Variants in SLC7A1 observed in about 807,000 individuals in gnomAD.
The protein encoded by SLC7A1 is solute carrier family 7 member 1.
A neutral mutation model predicts 53.9 loss-of-function variants in SLC7A1; 10 were observed. That is an observed-to-expected ratio of 0.19 (90% CI 0.11 to 0.31). SLC7A1 has a LOEUF of 0.31. SLC7A1 is among the 10% of genes least tolerant of loss of function. SLC7A1 has a pLI of 1.00. For synonymous variants in SLC7A1, 342 were observed against 338.7 expected, an observed-to-expected ratio of 1.01 and a Z score of -0.11; for missense variants, 525 against 827.2, an observed-to-expected ratio of 0.63 and a Z score of 4.48.
chr13:29,552,940 A>C (rs1870267279), intron 2 of SLC7A1, among the ~76,000 whole-genome samples: 1 of 151,956 alleles, frequency 6.6e-6, no homozygotes, highest in South Asian at 2.1e-4. Flanking sequence ...GCCAAACCCA[A>C]ATAGAAGAAT....
At chr13:29,529,927 G>A (rs1249862420) in intron 5 of SLC7A1, among the ~76,000 whole-genome samples, 6 of 152,184 alleles carry the variant, frequency 3.9e-5, no homozygotes. Flanking sequence ...ATGGCACAGG[G>A]TGGAGCTGTC....
Position 29,595,517 on chromosome 13 carries a change from G to T in SLC7A1, c.-216C>A. Reference sequence around the variant, plus strand: ...TCGGCCGGCGAGACCGGGCGGGGCGGGGCGGGGCGGGGGCGCGGCGCGCGG... The same window carrying T: ...TCGGCCGGCGAGACCGGGCGGGGCGTGGCGGGGCGGGGGCGCGGCGCGCGG... On this transcript the variant is annotated 5_prime_UTR_variant, in exon 1 of 13. Transcript: ENST00000380752. 1 of 151,080 alleles carries T rather than the reference G, an allele frequency of 6.6e-6. No homozygotes were observed. Among genetic ancestry groups the T allele is most frequent in the South Asian group, 1.9e-4 (1 of 5,178 alleles). 9.4% of individuals were successfully genotyped at this position (151,080 alleles called of 1,614,324 possible).
At chr13:29,533,640 G>A (rs925895054) in intron 3 of SLC7A1, among the ~76,000 whole-genome samples, 4 of 152,168 alleles carry the variant, frequency 2.6e-5, no homozygotes, top group Non-Finnish European at 5.9e-5. Flanking sequence ...CAGAGTGCAG[G>A]ACAGCAGACA....
intron 2 of SLC7A1, among the ~76,000 whole-genome samples, chr13:29,553,316 C>T (rs756535019): frequency 2.6e-5 from 4 of 152,186 alleles, no homozygotes; most frequent in Non-Finnish European, 4.4e-5. Flanking sequence ...GCATCACAGC[C>T]GCTGTGCTGC....
chr13:29,561,217 AAAGT>A (rs1870740318), intron 1 of SLC7A1, among the ~76,000 whole-genome samples: 2 of 152,204 alleles, frequency 1.3e-5, no homozygotes, highest in African/African-American at 2.4e-5. Flanking sequence ...CTCATCTCCT[AAAGT>A]AACTGCATGA....
intron 1 of SLC7A1, among the ~76,000 whole-genome samples, chr13:29,555,986 G>A (rs2139139971): frequency 6.6e-6 from 1 of 152,226 alleles, no homozygotes; most frequent in East Asian, 1.9e-4. Context: ...TTACCGAGAT[G>A]GCTTCAGATT....
intron 5 of SLC7A1, among the ~76,000 whole-genome samples, chr13:29,528,087 C>T (rs1413146738): frequency 1.3e-5 from 2 of 152,234 alleles, no homozygotes; most frequent in Non-Finnish European, 2.9e-5. Flanking sequence ...CTGACTGGAG[C>T]TGGAGAAGCC....
intron 1 of SLC7A1, among the ~76,000 whole-genome samples, chr13:29,565,432 G>C (rs1301413048): frequency 6.6e-6 from 1 of 152,180 alleles, no homozygotes; most frequent in Non-Finnish European, 1.5e-5. Flanking sequence ...GAGCACAAAG[G>C]GTTCAAGGAG....
chr13:29,545,856 A>G (rs1869897913), intron 2 of SLC7A1, among the ~76,000 whole-genome samples: 1 of 152,258 alleles, frequency 6.6e-6, no homozygotes, highest in Admixed American at 6.5e-5. Flanking sequence ...TATCAAGGAC[A>G]TCTTCACAAA....
At chr13:29,518,954 T>A (rs1868497322) in intron 9 of SLC7A1, among the ~76,000 whole-genome samples, 1 of 151,932 alleles carries the variant, frequency 6.6e-6, no homozygotes, top group Non-Finnish European at 1.5e-5. Context: ...GACTCCACAG[T>A]GTCTCTGAAC....
intron 2 of SLC7A1, among the ~76,000 whole-genome samples, chr13:29,536,456 C>T (rs897123002): frequency 3.9e-5 from 6 of 152,212 alleles, no homozygotes; most frequent in Admixed American, 3.3e-4. Flanking sequence ...TGAGCTTCCA[C>T]ATTTGTAGCA....
chr13:29,512,084 C>G lies in SLC7A1; in HGVS notation c.*2396G>C, dbSNP rs1310798454. The G allele has an allele frequency of 6.6e-6, 1 of 152,100 alleles. No homozygotes were observed. Among genetic ancestry groups the G allele is most frequent in the African/African-American group, 2.4e-5 (1 of 41,404 alleles). 9.4% of individuals were successfully genotyped at this position (152,100 alleles called of 1,614,324 possible). A position where few individuals can be genotyped will look rare whatever the true frequency, so the allele number is the denominator to read the frequency against. ...CAGACACCATTGCTTAAATCACTCC[C>G]CTCTCACACAGAGAGAAAACCCCTG... On this transcript the variant is annotated 3_prime_UTR_variant, in exon 13 of 13. Coordinates refer to ENST00000380752, the MANE Select transcript of SLC7A1 (RefSeq NM_003045.5).
intron 1 of SLC7A1, among the ~76,000 whole-genome samples, chr13:29,562,866 T>C (rs1870819988): frequency 6.6e-6 from 1 of 152,238 alleles, no homozygotes; most frequent in South Asian, 2.1e-4. Flanking sequence ...ATATTTATCC[T>C]ACCTCCAGCC....
chr13:29,579,949 T>A (rs956364492), intron 1 of SLC7A1, among the ~76,000 whole-genome samples: 1 of 152,202 alleles, frequency 6.6e-6, no homozygotes, highest in Non-Finnish European at 1.5e-5. Context: ...CCATTGTTCC[T>A]ACTAGATCTG....
intron 1 of SLC7A1, among the ~76,000 whole-genome samples, chr13:29,556,529 C>A (rs994684425): frequency 2.6e-5 from 4 of 152,150 alleles, no homozygotes; most frequent in African/African-American, 9.7e-5. Context: ...CAGGTGCACA[C>A]CACCACGCCT....
intron 1 of SLC7A1, among the ~76,000 whole-genome samples, chr13:29,581,048 G>A (rs1194634975): frequency 6.6e-6 from 1 of 152,120 alleles, no homozygotes; most frequent in Non-Finnish European, 1.5e-5. Context: ...TAAATGACAT[G>A]TTTCTATGCT....
At chr13:29,559,967 G>A (rs1393401545) in intron 1 of SLC7A1, among the ~76,000 whole-genome samples, 3 of 151,968 alleles carry the variant, frequency 2.0e-5, no homozygotes, top group East Asian at 1.9e-4. Flanking sequence ...CGCCCGCCTC[G>A]GCCTCCCAAA....
rs1322036043 is a variant in SLC7A1, at chr13:29,522,306, C to G, written c.1189+11G>C. 1.2e-6 allele frequency: 2 copies of G among 1,614,004 alleles called. No homozygotes were observed. The highest frequency in any genetic ancestry group is 4.5e-5 in the East Asian group (2 of 44,894). On this transcript the variant is annotated intron_variant, in intron 8 of 12. Transcript: ENST00000380752. ...AAAACATTTCCATGTGAAATGAGTT[C>G]TAGTACTCACCAGCAACGGCACCCG...
intron 4 of SLC7A1, among the ~76,000 whole-genome samples, chr13:29,531,599 G>A (rs1869164901): frequency 6.6e-6 from 1 of 152,204 alleles, no homozygotes; most frequent in Admixed American, 6.5e-5. Context: ...AATACTTTGG[G>A]AAGCAGGCAG....
Sources: gnomAD v4.1 joint callset for allele counts (sites outside exome capture counted in the v4.1 genomes callset) on GRCh38, gnomAD v4.1.1 for gene constraint, MANE v1.5 for transcripts, NCBI Gene and HGNC (gene_info 2026-07-23, HGNC 2026-07-21) for gene names.